Variants in HAO1 observed in about 807,000 individuals in gnomAD.
The protein encoded by HAO1 is hydroxyacid oxidase 1, also known as 2-Hydroxyacid oxidase 1.
HAO1 carries 34 observed loss-of-function variants against 39.7 expected under a neutral mutation model. The observed-to-expected ratio is 0.86, with a 90% CI of 0.65 to 1.14. The LOEUF (loss-of-function observed/expected upper bound fraction) is 1.14, where lower values mean the gene tolerates loss of function less well. Among genes scored for constraint, HAO1 ranks in the 50% most tolerant of loss-of-function variants. HAO1 has a pLI of 0.00. For missense variants in HAO1, 479 were observed against 464.5 expected, an observed-to-expected ratio of 1.03 and a Z score of -0.29; for synonymous variants, 172 against 173.2, an observed-to-expected ratio of 0.99 and a Z score of 0.05.
chr20:7,921,189 AT>A (rs1039435135), intron 2 of HAO1, among the ~76,000 whole-genome samples: 45 of 152,248 alleles, frequency 3.0e-4, no homozygotes, highest in African/African-American at 1.1e-3. Flanking sequence ...TGGAGAAAAT[AT>A]TTGCATACTA....
rs555749708 is a variant in HAO1, at chr20:7,883,430, A to G, written c.*163T>C. On this transcript the variant is annotated 3_prime_UTR_variant, in exon 8 of 8. Coordinates refer to ENST00000378789, the MANE Select transcript of HAO1 (RefSeq NM_017545.3). ...TTCCTAGGACACCCATTGAAAAGTC[A>G]AAAGCAATGAAATAAAAGGGATTGC... 384 of 618,822 alleles carry G rather than the reference A, an allele frequency of 6.2e-4. 5 individuals carry two copies. In the South Asian group the frequency reaches 6.6e-3, roughly 11 times the overall value. The allele number at this position is 618,822 out of a possible 1,614,324, so 38.3% of individuals were successfully genotyped here. A position where few individuals can be genotyped will look rare whatever the true frequency, so the allele number is the denominator to read the frequency against.
chr20:7,903,878 GT>G, intron 4 of HAO1, among the ~76,000 whole-genome samples: 1 of 148,230 alleles, frequency 6.7e-6, no homozygotes, highest in African/African-American at 2.5e-5. Flanking sequence ...GGTGGTGGTG[GT>G]GGTGGTGGTG....
intron 1 of HAO1, among the ~76,000 whole-genome samples, chr20:7,938,555 C>T (rs1212800587): frequency 6.6e-6 from 1 of 152,080 alleles, no homozygotes; most frequent in Non-Finnish European, 1.5e-5. Context: ...GGCACTTTTC[C>T]AGTTCATAAC....
At chr20:7,890,205 G>GTT (rs113483736) in intron 5 of HAO1, among the ~76,000 whole-genome samples, 88 of 150,854 alleles carry the variant, frequency 5.8e-4, no homozygotes, top group African/African-American at 2.0e-3. Context: ...GTTATGGTTT[G>GTT]TTTTTTTTTG....
intron 4 of HAO1, among the ~76,000 whole-genome samples, chr20:7,895,727 A>G (rs1317888687): frequency 6.6e-6 from 1 of 152,168 alleles, no homozygotes; most frequent in Admixed American, 6.6e-5. Flanking sequence ...TTGTTCTATA[A>G]TTAAATATAT....
intron 4 of HAO1, among the ~76,000 whole-genome samples, chr20:7,901,306 A>G (rs904145320): frequency 6.6e-6 from 1 of 152,308 alleles, no homozygotes; most frequent in Non-Finnish European, 1.5e-5. Context: ...GCTGTATGGC[A>G]TCTTCTTCCA....
intron 2 of HAO1, among the ~76,000 whole-genome samples, chr20:7,927,440 G>A (rs553822969): frequency 9.0e-4 from 137 of 152,102 alleles, no homozygotes; most frequent in African/African-American, 2.9e-3. Flanking sequence ...ATAAGTAGAG[G>A]CACTTATAAA....
At chr20:7,932,043 T>C (rs962629756) in intron 2 of HAO1, among the ~76,000 whole-genome samples, 3 of 152,176 alleles carry the variant, frequency 2.0e-5, no homozygotes, top group African/African-American at 4.8e-5. Flanking sequence ...GATTGGATCA[T>C]GGGGGTGGTT....
chr20:7,918,798 C>T (rs566985860), intron 2 of HAO1, among the ~76,000 whole-genome samples: 5 of 152,254 alleles, frequency 3.3e-5, no homozygotes, highest in South Asian at 2.1e-4. Context: ...TTATAAATGG[C>T]GTAGCATGGT....
intron 2 of HAO1, among the ~76,000 whole-genome samples, chr20:7,918,326 A>G (rs745390513): frequency 2.0e-5 from 3 of 152,184 alleles, no homozygotes; most frequent in Non-Finnish European, 4.4e-5. Context: ...GAGCTAAGGG[A>G]GCCTGGGAAT....
At chr20:7,886,612 C>A (rs1216029411) in intron 5 of HAO1, among the ~76,000 whole-genome samples, 1 of 152,114 alleles carries the variant, frequency 6.6e-6, no homozygotes, top group Non-Finnish European at 1.5e-5. Context: ...ATTTTCTCAT[C>A]CAAAATATTT....
At position 7,883,434 on chromosome 20, in the gene HAO1, G is replaced by T; in HGVS notation, c.*159C>A. 1.6e-6 allele frequency: 1 copy of T among 621,292 alleles called. No homozygotes were observed. The highest frequency in any genetic ancestry group is 2.9e-6 in the Non-Finnish European group (1 of 346,044). 38.5% of individuals were successfully genotyped at this position (621,292 alleles called of 1,614,324 possible). A position where few individuals can be genotyped will look rare whatever the true frequency, so the allele number is the denominator to read the frequency against. On this transcript the variant is annotated 3_prime_UTR_variant, in exon 8 of 8. Coordinates refer to ENST00000378789, the MANE Select transcript of HAO1 (RefSeq NM_017545.3). ...TAGGACACCCATTGAAAAGTCAAAA[G>T]CAATGAAATAAAAGGGATTGCTATT... is the stretch of plus-strand genomic sequence containing the variant.
chr20:7,934,468 A>G lies in HAO1; in HGVS notation c.289+16T>C. 6.2e-7 allele frequency: 1 copy of G among 1,600,612 alleles called. No homozygotes were observed. The highest frequency in any genetic ancestry group is 8.5e-7 in the Non-Finnish European group (1 of 1,174,272). On this transcript the variant is annotated intron_variant, in intron 2 of 7. Transcript: ENST00000378789. Reference sequence around the variant, plus strand: ...TTAGCCTCCTTCTGTCCCTGTGGTGACAATCTTCCTCCTACCTCTCACAGT... The same window carrying G: ...TTAGCCTCCTTCTGTCCCTGTGGTGGCAATCTTCCTCCTACCTCTCACAGT...
At chr20:7,889,734 T>C (rs1220284650) in intron 5 of HAO1, among the ~76,000 whole-genome samples, 1 of 152,148 alleles carries the variant, frequency 6.6e-6, no homozygotes. Context: ...TTAAAAGTAA[T>C]GGTGAAATTA....
chr20:7,900,465 C>T (rs1470168636), intron 4 of HAO1, among the ~76,000 whole-genome samples: 1 of 152,132 alleles, frequency 6.6e-6, no homozygotes, highest in African/African-American at 2.4e-5. Flanking sequence ...CAATTGGTAT[C>T]CCTGTGTCAC....
At chr20:7,924,370 A>G (rs963754195) in intron 2 of HAO1, among the ~76,000 whole-genome samples, 13 of 152,168 alleles carry the variant, frequency 8.5e-5, no homozygotes, top group Admixed American at 2.6e-4. Flanking sequence ...ACAAGTTATC[A>G]ATTATAAAAT....
chr20:7,913,593 C>G (rs917691497), intron 3 of HAO1, among the ~76,000 whole-genome samples: 5 of 152,176 alleles, frequency 3.3e-5, no homozygotes, highest in African/African-American at 1.2e-4. Context: ...CCTGATGAAA[C>G]CTTTATAGTT....
chr20:7,891,339 T>C (rs1299505600), intron 5 of HAO1, among the ~76,000 whole-genome samples: 1 of 152,224 alleles, frequency 6.6e-6, no homozygotes, highest in Admixed American at 6.5e-5. Flanking sequence ...CATTTGTATA[T>C]CTTCTTTTGA....
chr20:7,904,092 G>A (rs2050236649), intron 4 of HAO1, among the ~76,000 whole-genome samples: 1 of 151,990 alleles, frequency 6.6e-6, no homozygotes, highest in Admixed American at 6.6e-5. Flanking sequence ...CTCCTTCTTT[G>A]TTCCTTATTT....
Sources: allele counts gnomAD v4.1 joint callset (sites outside exome capture counted in the v4.1 genomes callset), GRCh38; gene constraint gnomAD v4.1.1; transcripts MANE v1.5; gene names NCBI Gene and HGNC (gene_info 2026-07-23, HGNC 2026-07-21).